The following CCDC30 variants were observed in gnomAD, a reference collection of about 807,000 sequenced individuals.
CCDC30 encodes coiled-coil domain-containing protein 30.
Under a neutral mutation model 100.2 loss-of-function variants are expected in CCDC30, and 70 were observed. The observed-to-expected ratio is 0.70, with a 90% CI of 0.58 to 0.85. CCDC30 has a LOEUF of 0.85. Ranked by LOEUF, CCDC30 falls within the 40% of genes least tolerant of loss-of-function variation. The pLI is 0.00. For synonymous variants in CCDC30, 233 were observed against 269.5 expected (o/e 0.86, Z 1.33); for missense variants, 652 against 771.2 (o/e 0.85, Z 1.83).
chr1:42,632,543 C>T (rs1178632543), intron 11 of CCDC30, among the ~76,000 whole-genome samples: 1 of 151,874 alleles, frequency 6.6e-6, no homozygotes, highest in Non-Finnish European at 1.5e-5. Context: ...GTGGGCGGAT[C>T]ACCTGAGGTC....
At chr1:42,622,140 T>G (rs1646850809) in intron 11 of CCDC30, among the ~76,000 whole-genome samples, 1 of 152,126 alleles carries the variant, frequency 6.6e-6, no homozygotes, top group South Asian at 2.1e-4. Context: ...TCTCCATGAG[T>G]TGAATTGTTT....
chr1:42,644,088 G>A lies in CCDC30; in HGVS notation c.1557-605G>A, dbSNP rs769581715. On this transcript the variant is annotated intron_variant, in intron 13 of 16. Transcript: ENST00000668663. ...TACTTGGTGTATTAGGGTTCTCTTAGAGGAAAAGAACAGAATAGGAGACAT... is the reference window on the plus strand; with the variant it reads ...TACTTGGTGTATTAGGGTTCTCTTAAAGGAAAAGAACAGAATAGGAGACAT... 2.0e-5 allele frequency among the ~76,000 whole-genome samples: 3 copies of A among 152,120 alleles called. No homozygotes were observed. In the South Asian group the frequency reaches 6.2e-4, roughly 32 times the overall value.
At chr1:42,599,946 A>G (rs1646369459) in intron 10 of CCDC30, among the ~76,000 whole-genome samples, 1 of 152,106 alleles carries the variant, frequency 6.6e-6, no homozygotes, top group Non-Finnish European at 1.5e-5. Context: ...AGGGGAAGCA[A>G]GGCACATCTT....
At chr1:42,609,733 A>AC (rs1323100711) in intron 10 of CCDC30, among the ~76,000 whole-genome samples, 6 of 152,210 alleles carry the variant, frequency 3.9e-5, no homozygotes, top group African/African-American at 1.4e-4. Context: ...GACTATAGGC[A>AC]TCCCCTTACA....
intron 11 of CCDC30, among the ~76,000 whole-genome samples, chr1:42,615,147 A>G (rs1334376294): frequency 1.3e-5 from 2 of 152,126 alleles, no homozygotes; most frequent in African/African-American, 4.8e-5. Flanking sequence ...AAATGTGAAG[A>G]TGGTTGATAG....
chr1:42,636,965 CAAAAAAA>C (rs1166253995), intron 11 of CCDC30, among the ~76,000 whole-genome samples: 3 of 29,518 alleles, frequency 1.0e-4, no homozygotes, highest in Non-Finnish European at 1.9e-4. Flanking sequence ...GACTCCATCT[CAAAAAAA>C]AAAAAAAAAA....
chr1:42,611,508 A>C (rs1646622900), intron 11 of CCDC30, among the ~76,000 whole-genome samples: 1 of 151,972 alleles, frequency 6.6e-6, no homozygotes, highest in South Asian at 2.1e-4. Context: ...GTTATATATA[A>C]TGATATACCT....
intron 8 of CCDC30, 51 bp downstream of exon 12, chr1:42,577,280 A>C (rs1446710793): frequency 8.5e-7 from 1 of 1,176,354 alleles, no homozygotes; most frequent in Non-Finnish European, 1.2e-6. Flanking sequence ...CCACTACTGA[A>C]ATCTTATTTC....
chr1:42,527,388 T>C (rs1256709576), intron 6 of CCDC30, among the ~76,000 whole-genome samples: 2 of 152,178 alleles, frequency 1.3e-5, no homozygotes, highest in East Asian at 1.9e-4. Flanking sequence ...CTAGCTCTTA[T>C]CAACTACATT....
intron 6 of CCDC30, among the ~76,000 whole-genome samples, chr1:42,563,650 G>A (rs1032550469): frequency 2.0e-5 from 3 of 152,146 alleles, no homozygotes; most frequent in African/African-American, 7.2e-5. Context: ...GGAGGCCAAG[G>A]CGGGTGGATC....
chr1:42,521,361 A>T (rs1644643905), intron 6 of CCDC30: 1 of 154,546 alleles, frequency 6.5e-6, no homozygotes, highest in Non-Finnish European at 1.5e-5. Context: ...ACAAATTGTG[A>T]ATTTTTCTGT....
At chr1:42,543,550 C>T (rs895979614) in intron 6 of CCDC30, among the ~76,000 whole-genome samples, 4 of 152,052 alleles carry the variant, frequency 2.6e-5, no homozygotes. Flanking sequence ...CAAACTCCGG[C>T]AATCTTGCCT....
chr1:42,456,473 C>A, the CCDC30 span: 1 of 1,337,050 alleles, frequency 7.5e-7, no homozygotes, highest in Non-Finnish European at 9.9e-7. Flanking sequence ...GAACCGCCCA[C>A]TCAGTACGGC....
At chr1:42,602,352 TGGCTCTTTGAAAA>T (rs1244388354) in intron 10 of CCDC30, among the ~76,000 whole-genome samples, 1 of 151,898 alleles carries the variant, frequency 6.6e-6, no homozygotes, top group African/African-American at 2.4e-5. Context: ...AACTAAAAAC[TGGCTCTTTGAAAA>T]GATTAATAAA....
chr1:42,482,748 T>C, exon 3 of CCDC30: 1 of 1,233,862 alleles, frequency 8.1e-7, no homozygotes, highest in Non-Finnish European at 1.0e-6. Context: ...AAGTTAGGGG[T>C]GGCTCATGAA....
At chr1:42,512,362 T>C (rs150905686) in intron 6 of CCDC30, among the ~76,000 whole-genome samples, 14 of 152,144 alleles carry the variant, frequency 9.2e-5, no homozygotes, top group African/African-American at 3.1e-4. Context: ...GGAAATGCCA[T>C]ATGCTTTCCT....
At chr1:42,571,613 G>C (rs567791731) in intron 7 of CCDC30, among the ~76,000 whole-genome samples, 1 of 152,298 alleles carries the variant, frequency 6.6e-6, no homozygotes, top group South Asian at 2.1e-4. Context: ...TAATATCAAT[G>C]AGATAAGCGT....
chr1:42,532,140 A>G (rs1644815719), intron 6 of CCDC30, among the ~76,000 whole-genome samples: 1 of 152,102 alleles, frequency 6.6e-6, no homozygotes, highest in Non-Finnish European at 1.5e-5. Context: ...AAAACAAACA[A>G]AAAAAGACTT....
At chr1:42,524,839 G>T (rs919838014) in intron 6 of CCDC30, among the ~76,000 whole-genome samples, 3 of 152,198 alleles carry the variant, frequency 2.0e-5, no homozygotes, top group African/African-American at 4.8e-5. Context: ...GTATCAGACA[G>T]ATGCCACCAG....
Sources: gnomAD v4.1 joint callset for allele counts (sites outside exome capture counted in the v4.1 genomes callset) on GRCh38, gnomAD v4.1.1 for gene constraint, MANE v1.5 for transcripts, NCBI Gene and HGNC (gene_info 2026-07-23, HGNC 2026-07-21) for gene names.